SLC3A2: variants seen among roughly 807,000 people sequenced by gnomAD.
SLC3A2 encodes the protein amino acid transporter heavy chain SLC3A2.
In SLC3A2, 32 loss-of-function variants were observed where a neutral mutation model predicts 48.5. The ratio of observed to expected loss-of-function variants is 0.66; its 90% CI spans 0.50 to 0.89. The LOEUF (loss-of-function observed/expected upper bound fraction) is 0.89, where lower values mean the gene tolerates loss of function less well. Ranked by LOEUF, SLC3A2 falls within the 40% of genes least tolerant of loss-of-function variation. The pLI, the probability that SLC3A2 is intolerant of heterozygous loss-of-function variation, is 0.00. For synonymous variants in SLC3A2, 277 were observed against 288.8 expected, an observed-to-expected ratio of 0.96 and a Z score of 0.41; for missense variants, 587 against 680.7, an observed-to-expected ratio of 0.86 and a Z score of 1.53.
chr11:62,872,479 C>T (rs2085528249), intron 1 of SLC3A2, among the ~76,000 whole-genome samples: 1 of 152,152 alleles, frequency 6.6e-6, no homozygotes, highest in South Asian at 2.1e-4. Flanking sequence ...CACATTACTG[C>T]ACTCCAGCCT....
At chr11:62,883,892 CT>C (rs946401511) in intron 3 of SLC3A2, 1 of 439,340 alleles carries the variant, frequency 2.3e-6, no homozygotes, top group Admixed American at 2.4e-5. Context: ...GCACTGGCCT[CT>C]TTTCAAATCT....
intron 5 of SLC3A2, 118 bp from the exon 6 acceptor site, chr11:62,885,058 TG>T: frequency 9.2e-7 from 1 of 1,086,000 alleles, no homozygotes. Context: ...CTCGAACTCC[TG>T]ACCTCAAGTG....
At chr11:62,869,902 C>T (rs1187615526) in intron 1 of SLC3A2, among the ~76,000 whole-genome samples, 2 of 150,908 alleles carry the variant, frequency 1.3e-5, no homozygotes, top group Admixed American at 6.6e-5. Flanking sequence ...CCTGCCTCAG[C>T]CTCTTGAGTA....
chr11:62,885,148 A>G, intron 5 of SLC3A2, 29 bp from the exon 6 acceptor site: 1 of 1,610,986 alleles, frequency 6.2e-7, no homozygotes, highest in Non-Finnish European at 8.5e-7. Context: ...TTCTTGTGCT[A>G]ACCTTGAACT....
chr11:62,879,394 C>T (rs2085605201), upstream of SLC3A2, among the ~76,000 whole-genome samples: 1 of 152,242 alleles, frequency 6.6e-6, no homozygotes, highest in African/African-American at 2.4e-5. Context: ...GCATGAGTCA[C>T]ACTGCGCCCA....
At chr11:62,882,867 C>A in intron 2 of SLC3A2, 41 bp from the exon 3 acceptor site, 1 of 1,472,474 alleles carries the variant, frequency 6.8e-7, no homozygotes, top group Non-Finnish European at 9.5e-7. Context: ...TCCCTTAACT[C>A]ATAGACTGTC....
intron 1 of SLC3A2, among the ~76,000 whole-genome samples, chr11:62,867,014 G>A (rs2085459421): frequency 6.6e-6 from 1 of 151,802 alleles, no homozygotes; most frequent in Non-Finnish European, 1.5e-5. Context: ...GTTTTTTTGA[G>A]ATGGAGTTTC....
At chr11:62,883,040 G>T in intron 3 of SLC3A2, 41 bp downstream of exon 3, 1 of 1,575,764 alleles carries the variant, frequency 6.3e-7, no homozygotes, top group South Asian at 1.1e-5. Context: ...TCAGATGCTG[G>T]GGCTGGGACA....
chr11:62,881,434 G>A lies in SLC3A2; in HGVS notation c.411G>A (p.Ala137=). Reference sequence around the variant, plus strand: ...TTCAGGCCTTCCAGGGCCACGGCGCGGGCAACCTGGCGGGTGAGTGCAGCG... The same window carrying A: ...TTCAGGCCTTCCAGGGCCACGGCGCAGGCAACCTGGCGGGTGAGTGCAGCG... ...GDLQAFQGHG[A]GNLAGLKGRL... Residue 137 remains alanine, a synonymous_variant, in exon 1 of 9, where the codon GCG becomes GCA. Coordinates refer to ENST00000338663, the MANE Select transcript of SLC3A2 (RefSeq NM_001013251.3). This position sits in a 1 kb window ranked among gnomAD's most constrained non-coding sequence, Gnocchi z 4.0. 9 of 1,585,434 alleles carry A rather than the reference G, an allele frequency of 5.7e-6. No homozygotes were observed. Among genetic ancestry groups the A allele is most frequent in the Non-Finnish European group, 6.0e-6 (7 of 1,173,490 alleles).
At position 62,881,387 on chromosome 11, in the gene SLC3A2, G is replaced by A. The variant is rs560534415; in HGVS notation, c.364G>A (p.Ala122Thr). The stretch of plus-strand genomic sequence containing the variant: ...GGCGCAGAAGTGGTGGCACACGGGC[G>A]CCCTCTACCGCATCGGCGACCTTCA... ...LPAQKWWHTG[A>T]LYRIGDLQAF... Residue 122 changes from alanine to threonine, a missense_variant, in exon 1 of 9, where the codon GCC (alanine) becomes ACC (threonine). Ala to Thr is a moderately conservative substitution (Grantham distance 58, BLOSUM62 0). Transcript: ENST00000338663. This position sits in a 1 kb window ranked among gnomAD's most constrained non-coding sequence, Gnocchi z 4.0. 2 of 1,596,238 alleles carry A rather than the reference G, an allele frequency of 1.3e-6. No homozygotes were observed. The highest frequency in any genetic ancestry group is 2.7e-5 in the African/African-American group (2 of 74,866).
intron 1 of SLC3A2, among the ~76,000 whole-genome samples, chr11:62,870,205 CAG>C (rs1208289487): frequency 1.3e-5 from 2 of 149,912 alleles, no homozygotes; most frequent in African/African-American, 4.9e-5. Context: ...TTTTTTGAGA[CAG>C]AGTCTCACTT....
intron 1 of SLC3A2, among the ~76,000 whole-genome samples, chr11:62,860,097 A>G (rs1260451746): frequency 1.3e-5 from 2 of 152,194 alleles, no homozygotes; most frequent in East Asian, 3.9e-4. Context: ...GCAGGAAAAC[A>G]TGTGAGCAAA....
rs2085348999 is a variant in SLC3A2, at chr11:62,857,598, G to C, written c.112+1217G>C. ...CCAGCTGCTTGGGAGGCTAAGGTGG[G>C]AGGATTGCTTGAGCCCAGGAGGTTG... On this transcript the variant is annotated intron_variant, in intron 1 of 9. Coordinates refer to the SLC3A2 transcript ENST00000377889. Among the ~76,000 whole-genome samples the C allele has an allele frequency of 2.0e-5, 3 of 150,702 alleles. 1 individual carries two copies. The South Asian group carries it at 6.3e-4, about 32-fold the overall frequency.
Position 62,881,879 on chromosome 11 carries a change from A to G in SLC3A2, c.425-14A>G, listed in dbSNP as rs771243821. On this transcript the variant is annotated splice_polypyrimidine_tract_variant and intron_variant, in intron 1 of 8. Transcript: ENST00000338663. The surrounding 1 kb of genome is among the most constrained non-coding windows in gnomAD (Gnocchi z 4.0). The stretch of plus-strand genomic sequence containing the variant: ...TCAGAGGGGCCTCACTTGTTAACCC[A>G]GCCCCCATTTCAGGTCTGAAGGGGC... 4.3e-6 allele frequency: 7 copies of G among 1,612,440 alleles called. No individual in the cohort carries two copies. The Admixed American group carries it at 1.2e-4, about 27-fold the overall frequency.
chr11:62,884,807 CTTTAGCTTTT>C, intron 5 of SLC3A2, 117 bp downstream of exon 5: 1 of 140,148 alleles, frequency 7.1e-6, no homozygotes, highest in Non-Finnish European at 1.2e-5. Context: ...TTTATTCTTT[CTTTAGCTTTT>C]TTTTTTTTTT....
At position 62,865,215 on chromosome 11, in the gene SLC3A2, T is replaced by C. The variant is rs377545266; in HGVS notation, c.112+8834T>C. On this transcript the variant is annotated intron_variant, in intron 1 of 9. Coordinates refer to the SLC3A2 transcript ENST00000377889. ...GAACCGTTACAGTTTTAGCATCCTT[T>C]CGTAGGGATTTGTGTACCTCTTCAG... Among the ~76,000 whole-genome samples, 30 of 152,288 alleles carry C rather than the reference T, an allele frequency of 2.0e-4. No homozygotes were observed. In the South Asian group the frequency reaches 5.8e-3, roughly 29 times the overall value.
At chr11:62,866,686 CA>C (rs1238716652) in intron 1 of SLC3A2, among the ~76,000 whole-genome samples, 1 of 152,066 alleles carries the variant, frequency 6.6e-6, no homozygotes, top group Non-Finnish European at 1.5e-5. Context: ...TGAGCCACCG[CA>C]TCTGGCCCTG....
At chr11:62,874,211 C>T (rs1410289499) in intron 1 of SLC3A2, among the ~76,000 whole-genome samples, 1 of 151,660 alleles carries the variant, frequency 6.6e-6, no homozygotes, top group African/African-American at 2.4e-5. Context: ...TGTTGGAGGG[C>T]CTCAGTGATC....
intron 1 of SLC3A2, among the ~76,000 whole-genome samples, chr11:62,874,123 T>C (rs1418734933): frequency 6.6e-6 from 1 of 151,756 alleles, no homozygotes; most frequent in African/African-American, 2.4e-5. Flanking sequence ...CAGAGTGTGA[T>C]GACAAAGTTT....
Sources: gnomAD v4.1 joint callset for allele counts (sites outside exome capture counted in the v4.1 genomes callset) on GRCh38, gnomAD v4.1.1 for gene constraint, Gnocchi (gnomAD v3.1) non-coding constraint, MANE v1.5 for transcripts, NCBI Gene and HGNC (gene_info 2026-07-23, HGNC 2026-07-21) for gene names.